OR2T10: variants seen among roughly 807,000 people sequenced by gnomAD.
The protein encoded by OR2T10 is olfactory receptor family 2 subfamily T member 10.
For missense variants in OR2T10, 335 were observed against 382.5 expected, an observed-to-expected ratio of 0.88 and a Z score of 1.04; for synonymous variants, 125 against 141.8, an observed-to-expected ratio of 0.88 and a Z score of 0.84.
rs890843694 is a variant in OR2T10, at chr1:248,591,287, C to G, written c.*1543G>C. On this transcript the variant is annotated 3_prime_UTR_variant, in exon 2 of 2. Coordinates refer to ENST00000642090, the MANE Select transcript of OR2T10 (RefSeq NM_001004693.2). ...CGTGACCCCTACACACTCCAAGACC[C>G]CTCTCCTGCTCAAGATTTTCCAACA... 7.0e-6 allele frequency: 1 copy of G among 143,514 alleles called. No individual in the cohort carries two copies. The highest frequency in any genetic ancestry group is 1.5e-5 in the Non-Finnish European group (1 of 66,346). The allele number at this position is 143,514 out of a possible 1,614,324, so 8.9% of individuals were successfully genotyped here. A position where few individuals can be genotyped will look rare whatever the true frequency, so the allele number is the denominator to read the frequency against.
In OR2T10 at chr1:248,592,650, G is replaced by C; in HGVS notation, c.*180C>G. ...AGAGATCAATGCTACGAGGGAAGGG[G>C]GGGATAAGTGAACATCATCTCAAGT... On this transcript the variant is annotated 3_prime_UTR_variant, in exon 2 of 2. Coordinates refer to ENST00000642090, the MANE Select transcript of OR2T10 (RefSeq NM_001004693.2). 2.1e-6 allele frequency: 1 copy of C among 477,622 alleles called. No homozygotes were observed. Among genetic ancestry groups the C allele is most frequent in the Non-Finnish European group, 3.7e-6 (1 of 270,812 alleles). The allele number at this position is 477,622 out of a possible 1,614,324, so 29.6% of individuals were successfully genotyped here.
rs1410274323 is a variant in OR2T10 at position 248,594,871 on chromosome 1, G to A, written c.-28-1075C>T. On this transcript the variant is annotated intron_variant, in intron 1 of 1. Coordinates refer to ENST00000642090, the MANE Select transcript of OR2T10 (RefSeq NM_001004693.2). ...ATTGTATGCAGGTAGGTCATCCTAA[G>A]GTTTCTTCTCCCAGTGGTTCAAGCA... 2 of 143,202 alleles carry A rather than the reference G, an allele frequency of 1.4e-5. 1 individual carries two copies. Among genetic ancestry groups the A allele is most frequent in the African/African-American group, 5.5e-5 (2 of 36,260 alleles). 8.9% of individuals were successfully genotyped at this position (143,202 alleles called of 1,614,324 possible).
chr1:248,591,843 G>A lies in OR2T10; in HGVS notation c.*987C>T, dbSNP rs1478613995. The stretch of plus-strand genomic sequence containing the variant: ...TTCAGTTAAATCAACTGTAGAATAA[G>A]GCTAATAATAGGCTGTGAAAATAAA... On this transcript the variant is annotated 3_prime_UTR_variant, in exon 2 of 2. Coordinates refer to ENST00000642090, the MANE Select transcript of OR2T10 (RefSeq NM_001004693.2). 6.9e-6 allele frequency: 1 copy of A among 144,082 alleles called. No individual in the cohort carries two copies. The highest frequency in any genetic ancestry group is 2.7e-5 in the African/African-American group (1 of 36,752). 8.9% of individuals were successfully genotyped at this position (144,082 alleles called of 1,614,324 possible). A position where few individuals can be genotyped will look rare whatever the true frequency, so the allele number is the denominator to read the frequency against.
chr1:248,592,702 G>T lies in OR2T10; in HGVS notation c.*128C>A. The T allele has an allele frequency of 3.5e-6, 2 of 579,484 alleles. No homozygotes were observed. The highest frequency in any genetic ancestry group is 6.0e-6 in the Non-Finnish European group (2 of 333,134). 35.9% of individuals were successfully genotyped at this position (579,484 alleles called of 1,614,324 possible). On this transcript the variant is annotated 3_prime_UTR_variant, in exon 2 of 2. Coordinates refer to ENST00000642090, the MANE Select transcript of OR2T10 (RefSeq NM_001004693.2). ...TGATTATAGGAGGGAAGAACACTGG[G>T]CTGAATCCCCCTGAAGGACAACTCA...
In OR2T10 at chr1:248,593,789, G is replaced by A. The variant is rs1385145193; in HGVS notation, c.-21C>T. ...CGCATGCTGTATGATCGGCTGAAGT[G>A]GCTTTACCTGGAGGACAAAAGTAAA... On this transcript the variant is annotated 5_prime_UTR_variant, in exon 2 of 2. Transcript: ENST00000642090. 2 of 1,338,646 alleles carry A rather than the reference G, an allele frequency of 1.5e-6. No homozygotes were observed. The allele number at this position is 1,338,646 out of a possible 1,614,324, so 82.9% of individuals were successfully genotyped here. A position where few individuals can be genotyped will look rare whatever the true frequency, so the allele number is the denominator to read the frequency against.
chr1:248,593,694 G>A lies in OR2T10; in HGVS notation c.75C>T (p.Gly25=). 6.4e-7 allele frequency: 1 copy of A among 1,564,316 alleles called. No homozygotes were observed. Among genetic ancestry groups the A allele is most frequent in the Non-Finnish European group, 8.7e-7 (1 of 1,151,666 alleles). The change falls in exon 2 of 2, where the codon GGC becomes GGT. Residue 25 remains glycine, a synonymous_variant. Transcript: ENST00000642090. ...LGIFSQISHP[G]RLCLLIFSIF... ...TACTGAAGATAAGCAAGCAGAGGCG[G>A]CCAGGGTGTGAGATCTGGCTGAAGA...
chr1:248,594,122 T>C (rs1302402201), intron 1 of OR2T10, among the ~76,000 whole-genome samples: 1 of 143,270 alleles, frequency 7.0e-6, no homozygotes, highest in African/African-American at 2.8e-5. Context: ...TGCATGTTCC[T>C]GTATTGCCCA....
Position 248,592,866 on chromosome 1 carries a change from C to T in OR2T10, c.903G>A (p.Leu301=). 6.4e-7 allele frequency: 1 copy of T among 1,556,760 alleles called. No homozygotes were observed. The highest frequency in any genetic ancestry group is 8.7e-7 in the Non-Finnish European group (1 of 1,149,002). The change falls in exon 2 of 2, where the codon TTG becomes TTA. Residue 301 remains leucine, a synonymous_variant. Coordinates refer to ENST00000642090, the MANE Select transcript of OR2T10 (RefSeq NM_001004693.2). The part of the protein sequence containing the change: ...SFRNKDVTRA[L]KKMLSVQKPP... ...GTTTCTGCACGCTCAGCATTTTTTT[C>T]AAAGCCCTTGTGACATCCTTATTCC...
chr1:248,593,836 T>A, intron 1 of OR2T10, 40 bp from the exon 2 acceptor site: 1 of 799,812 alleles, frequency 1.3e-6, no homozygotes, highest in Non-Finnish European at 2.0e-6. Flanking sequence ...ATCATGTGTG[T>A]ACCACGTAAA....
At position 248,593,185 on chromosome 1, in the gene OR2T10, T is replaced by TA. The variant is rs1660040321; in HGVS notation, c.583dup (p.Tyr195LeufsTer33). ...ACAGCACAAGTACATGAAAATCTTG[T>TA]AAAGTGAGGTGTCTGAGCAAGAGAG... is the stretch of plus-strand genomic sequence containing the variant. On this transcript the variant is annotated frameshift_variant, in exon 2 of 2. Coordinates refer to ENST00000642090, the MANE Select transcript of OR2T10 (RefSeq NM_001004693.2). LOFTEE classifies it low-confidence loss of function (END_TRUNC). The TA allele has an allele frequency of 6.4e-7, 1 of 1,572,522 alleles. No individual in the cohort carries two copies. Among genetic ancestry groups the TA allele is most frequent in the African/African-American group, 1.5e-5 (1 of 66,680 alleles).
At position 248,597,012 on chromosome 1, in the gene OR2T10, A is replaced by G. The variant is rs1330975015; in HGVS notation, c.-29+480T>C. Among the ~76,000 whole-genome samples the G allele has an allele frequency of 1.8e-4, 26 of 143,286 alleles. 6 individuals are homozygous for G. The highest frequency in any genetic ancestry group is 6.9e-4 in the African/African-American group (25 of 36,400). 94.0% of individuals were successfully genotyped at this position (143,286 alleles called of 152,430 possible). The stretch of plus-strand genomic sequence containing the variant: ...GAGGAAAAGAAAACTAATATTCAAC[A>G]TTGCTCCGATTTTCAGAGGAAAAAA... On this transcript the variant is annotated intron_variant, in intron 1 of 1. Coordinates refer to ENST00000642090, the MANE Select transcript of OR2T10 (RefSeq NM_001004693.2).
rs1412584266 is a variant in OR2T10 at position 248,594,056 on chromosome 1, AAT to A, written c.-28-262_-28-261del. Among the ~76,000 whole-genome samples, 6 of 141,616 alleles carry A rather than the reference AAT, an allele frequency of 4.2e-5. 1 individual carries two copies. The highest frequency in any genetic ancestry group is 1.4e-4 in the African/African-American group (5 of 34,892). The allele number at this position is 141,616 out of a possible 152,430, so 92.9% of individuals were successfully genotyped here. ...ATTTCCTATAGATTATATAGTCACT[AAT>A]AGTTATTTTTACTTATATATGTTCA... is the stretch of plus-strand genomic sequence containing the variant. On this transcript the variant is annotated intron_variant, in intron 1 of 1. Coordinates refer to ENST00000642090, the MANE Select transcript of OR2T10 (RefSeq NM_001004693.2).
chr1:248,595,606 G>C (rs1190000113), intron 1 of OR2T10, among the ~76,000 whole-genome samples: 1 of 142,948 alleles, frequency 7.0e-6, no homozygotes, highest in African/African-American at 2.8e-5. Flanking sequence ...AACCAAAGGG[G>C]ACTTAATGTA....
Position 248,593,287 on chromosome 1 carries a change from G to T in OR2T10, c.482C>A (p.Pro161His). The change falls in exon 2 of 2, where the codon CCC becomes CAC. Residue 161 changes from proline to histidine, a missense_variant. Transcript: ENST00000642090. ...GCAGAAGGGGAAGCTCATGGCGATG[G>T]GAGTGAGCATGAAGCCATCCACTGA... ...VGSVDGFMLT[P>H]IAMSFPFCRS... is the part of the protein sequence containing the mutation. The T allele has an allele frequency of 6.4e-7, 1 of 1,573,306 alleles. No individual in the cohort carries two copies. The highest frequency in any genetic ancestry group is 8.6e-7 in the Non-Finnish European group (1 of 1,156,806).
intron 1 of OR2T10, among the ~76,000 whole-genome samples, chr1:248,595,278 CAATAT>C (rs1660073893): frequency 7.0e-6 from 1 of 143,314 alleles, no homozygotes; most frequent in Admixed American, 6.8e-5. Flanking sequence ...CATTAATGTT[CAATAT>C]ATTAATAACG....
At chr1:248,595,706 G>A (rs1374213446) in intron 1 of OR2T10, among the ~76,000 whole-genome samples, 2 of 142,578 alleles carry the variant, frequency 1.4e-5, no homozygotes, top group Non-Finnish European at 3.0e-5. Flanking sequence ...ATATTTTCCT[G>A]GAGCAGAAAG....
In OR2T10 at chr1:248,591,185, G is replaced by A. The variant is rs1659993234; in HGVS notation, c.*1645C>T. 1.4e-5 allele frequency: 2 copies of A among 142,778 alleles called. No homozygotes were observed. Among genetic ancestry groups the A allele is most frequent in the South Asian group, 4.4e-4 (2 of 4,580 alleles). The allele number at this position is 142,778 out of a possible 1,614,324, so 8.8% of individuals were successfully genotyped here. On this transcript the variant is annotated 3_prime_UTR_variant, in exon 2 of 2. Transcript: ENST00000642090. ...TGAAAGCATTTCTCCCAATATCAATGTGGCTCATTAACTTGTAAACTCCAC... is the reference window on the plus strand; with the variant it reads ...TGAAAGCATTTCTCCCAATATCAATATGGCTCATTAACTTGTAAACTCCAC...
rs1214796217 is a variant in OR2T10 at position 248,592,319 on chromosome 1, T to A, written c.*511A>T. On this transcript the variant is annotated 3_prime_UTR_variant, in exon 2 of 2. Transcript: ENST00000642090. ...GAATGAACCCCCTTGTCCCTGAGGA[T>A]CCCCTGCTTGGGGCAAGTCAGGGGA... 1.4e-5 allele frequency: 2 copies of A among 145,110 alleles called. 1 individual carries two copies. The highest frequency in any genetic ancestry group is 3.0e-5 in the Non-Finnish European group (2 of 67,194). 9.0% of individuals were successfully genotyped at this position (145,110 alleles called of 1,614,324 possible).
In OR2T10 at chr1:248,593,244, C is replaced by G. The variant is rs767659807; in HGVS notation, c.525G>C (p.Gln175His). 6.4e-7 allele frequency: 1 copy of G among 1,573,660 alleles called. No individual in the cohort carries two copies. The highest frequency in any genetic ancestry group is 8.6e-7 in the Non-Finnish European group (1 of 1,157,204). ...CAGCAGGGACCTCACAGAAGAAGTG[C>G]TGAATCTCATGGGATCTGCAGAAGG... ...SFPFCRSHEI[Q>H]HFFCEVPAVL... The change falls in exon 2 of 2, where the codon CAG (glutamine) becomes CAC (histidine). Residue 175 changes from glutamine (Q) to histidine (H), a missense_variant. By Grantham distance (24) the Gln-to-His change is conservative. Coordinates refer to ENST00000642090, the MANE Select transcript of OR2T10 (RefSeq NM_001004693.2).
Sources: gnomAD v4.1 joint callset for allele counts (sites outside exome capture counted in the v4.1 genomes callset) on GRCh38, gnomAD v4.1.1 for gene constraint, MANE v1.5 for transcripts, NCBI Gene and HGNC (gene_info 2026-07-23, HGNC 2026-07-21) for gene names.